Variants in PLPPR2 observed in about 807,000 individuals in gnomAD.
The protein encoded by PLPPR2 is phospholipid phosphatase-related protein type 2.
A neutral mutation model predicts 40.3 loss-of-function variants in PLPPR2; 11 were observed. That is an observed-to-expected ratio of 0.27 (90% CI 0.17 to 0.45). PLPPR2 has a LOEUF of 0.45. Ranked by LOEUF, PLPPR2 falls within the 20% of genes least tolerant of loss-of-function variation. PLPPR2 has a pLI of 1.00. For missense variants in PLPPR2, 497 were observed against 640.7 expected, an observed-to-expected ratio of 0.78 and a Z score of 2.42; for synonymous variants, 260 against 290.8, an observed-to-expected ratio of 0.89 and a Z score of 1.08.
At chr19:11,357,801 G>A in intron 3 of PLPPR2, 62 bp downstream of exon 3, 3 of 1,395,320 alleles carry the variant, frequency 2.2e-6, no homozygotes, top group Non-Finnish European at 3.0e-6. Flanking sequence ...TCCAACCTCA[G>A]TCTCCTTATC....
At position 11,357,731 on chromosome 19, in the gene PLPPR2, T is replaced by C; in HGVS notation, c.58T>C (p.Phe20Leu). The change falls in exon 3 of 10, where the codon TTC (phenylalanine) becomes CTC (leucine). Residue 20 changes from phenylalanine to leucine, a missense_variant. Physicochemically the swap from Phe to Leu is conservative, Grantham distance 22. Transcript: ENST00000688289. The stretch of plus-strand genomic sequence containing the variant: ...TTTCTCCATCATCCCCTGCTTTGTC[T>C]TCGTGGAGGTGAGGACCCCCGTACC... ...RSFSIIPCFV[F>L]VESVLLGIVI... 6.2e-7 allele frequency: 1 copy of C among 1,604,964 alleles called. No individual in the cohort carries two copies. The highest frequency in any genetic ancestry group is 8.5e-7 in the Non-Finnish European group (1 of 1,175,298).
rs377424289 is a variant in PLPPR2, at chr19:11,362,509, G to A, written c.664-4G>A. On this transcript the variant is annotated splice_polypyrimidine_tract_variant and splice_region_variant and intron_variant, in intron 6 of 9. Coordinates refer to ENST00000688289, the MANE Select transcript of PLPPR2 (RefSeq NM_001393892.1). The surrounding 1 kb of genome is among the most constrained non-coding windows in gnomAD (Gnocchi z 5.3). ...ATCCCCCTGACCAGTCCGGCTCCCC[G>A]CAGATGTACGTGACTCTCGTGTTCC... 24 of 1,609,018 alleles carry A rather than the reference G, an allele frequency of 1.5e-5. No individual in the cohort carries two copies. The highest frequency in any genetic ancestry group is 4.0e-5 in the African/African-American group (3 of 74,934).
chr19:11,356,495 G>A (rs754920321), intron 1 of PLPPR2, among the ~76,000 whole-genome samples: 4 of 152,032 alleles, frequency 2.6e-5, no homozygotes, highest in Non-Finnish European at 5.9e-5. Context: ...TCTCTGACAG[G>A]CTATGAGCCC....
Position 11,361,346 on chromosome 19 carries a change from C to A in PLPPR2, c.521C>A (p.Pro174His). The A allele has an allele frequency of 6.2e-7, 1 of 1,613,474 alleles. No individual in the cohort carries two copies. The change falls in exon 6 of 10, where the codon CCT becomes CAT. Residue 174 changes from proline (P) to histidine (H), a missense_variant. Physicochemically the swap from Pro to His is moderately conservative, Grantham distance 77 (BLOSUM62 -2). Transcript: ENST00000688289. This position sits in a 1 kb window ranked among gnomAD's most constrained non-coding sequence, Gnocchi z 6.3. ...TACACGGCCCTGGGCTGCCTGCCAC[C>A]TTCTCCGGATCGGCCAGGTCCCGAC... ...PNYTALGCLP[P>H]SPDRPGPDRF...
rs1262366771 is a variant in PLPPR2, at chr19:11,361,322, A to G, written c.497A>G (p.Tyr166Cys). Residue 166 changes from tyrosine (Y) to cysteine (C), a missense_variant, in exon 6 of 10, where the codon TAC (tyrosine) becomes TGC (cysteine). Tyr to Cys is a radical substitution (Grantham distance 194, BLOSUM62 -2). Transcript: ENST00000688289. The surrounding 1 kb of genome is among the most constrained non-coding windows in gnomAD (Gnocchi z 6.3). The stretch of plus-strand genomic sequence containing the variant: ...TTCCTGTCCGTGTGCCGCCCCAACT[A>G]CACGGCCCTGGGCTGCCTGCCACCT... ...PHFLSVCRPN[Y>C]TALGCLPPSP... The G allele has an allele frequency of 6.2e-7, 1 of 1,613,654 alleles. No homozygotes were observed. Among genetic ancestry groups the G allele is most frequent in the South Asian group, 1.1e-5 (1 of 91,084 alleles).
In PLPPR2 at chr19:11,364,461, C is replaced by G; in HGVS notation, c.1130C>G (p.Thr377Arg). 6.6e-7 allele frequency: 1 copy of G among 1,508,456 alleles called. No individual in the cohort carries two copies. Among genetic ancestry groups the G allele is most frequent in the Non-Finnish European group, 8.8e-7 (1 of 1,135,138 alleles). The allele number at this position is 1,508,456 out of a possible 1,614,324, so 93.4% of individuals were successfully genotyped here. A position where few individuals can be genotyped will look rare whatever the true frequency, so the allele number is the denominator to read the frequency against. Residue 377 changes from threonine to arginine, a missense_variant, in exon 10 of 10, where the codon ACG becomes AGG. By Grantham distance (71) the Thr-to-Arg change is moderately conservative (BLOSUM62 -1). Transcript: ENST00000688289. This position sits in a 1 kb window ranked among gnomAD's most constrained non-coding sequence, Gnocchi z 5.8. ...CGTCCTCGATTGAGGTCTGAGCCGACGCCCTTGCCCCTGCCCCTACCCCTG... is the reference window on the plus strand; with the variant it reads ...CGTCCTCGATTGAGGTCTGAGCCGAGGCCCTTGCCCCTGCCCCTACCCCTG... ...VPRPRLRSEPTPLPLPLPLPA... is the reference protein window; with the variant it reads ...VPRPRLRSEPRPLPLPLPLPA...
At position 11,364,781 on chromosome 19, in the gene PLPPR2, T is replaced by C; in HGVS notation, c.*91T>C. 7.0e-7 allele frequency: 1 copy of C among 1,437,794 alleles called. No homozygotes were observed. 89.1% of individuals were successfully genotyped at this position (1,437,794 alleles called of 1,614,324 possible). A position where few individuals can be genotyped will look rare whatever the true frequency, so the allele number is the denominator to read the frequency against. ...GTGCCACGTGAGTGCCAAAGTCCCC[T>C]GCCCCCCAAGCCAGCCAGACCCAGA... On this transcript the variant is annotated 3_prime_UTR_variant, in exon 10 of 10. Transcript: ENST00000688289. The surrounding 1 kb of genome is among the most constrained non-coding windows in gnomAD (Gnocchi z 5.8).
rs1968102178 is a variant in PLPPR2, at chr19:11,363,286, A to C, written c.841-427A>C. Among the ~76,000 whole-genome samples the C allele has an allele frequency of 2.0e-5, 3 of 151,328 alleles. No individual in the cohort carries two copies. The highest frequency in any genetic ancestry group is 4.4e-5 in the Non-Finnish European group (3 of 67,832). Reference sequence around the variant, plus strand: ...AAAGAGCGAAAGTCTGTCTCAAAAAAAAAAAAAAAAAAAATTAGCTGGGAA... The same window carrying C: ...AAAGAGCGAAAGTCTGTCTCAAAAACAAAAAAAAAAAAAATTAGCTGGGAA... On this transcript the variant is annotated intron_variant, in intron 7 of 9. Transcript: ENST00000688289. The surrounding 1 kb of genome is among the most constrained non-coding windows in gnomAD (Gnocchi z 4.8).
rs1254236563 is a variant in PLPPR2, at chr19:11,362,344, C to T, written c.664-169C>T. ...ACCCCCCCCCCTTTGCCTTTTTGGTCACGCTCCCTGGAAAAGCCCACTGGG... is the reference window on the plus strand; with the variant it reads ...ACCCCCCCCCCTTTGCCTTTTTGGTTACGCTCCCTGGAAAAGCCCACTGGG... On this transcript the variant is annotated intron_variant, in intron 6 of 9. Transcript: ENST00000688289. The surrounding 1 kb of genome is among the most constrained non-coding windows in gnomAD (Gnocchi z 5.3). 4 of 443,006 alleles carry T rather than the reference C, an allele frequency of 9.0e-6. No homozygotes were observed. Among genetic ancestry groups the T allele is most frequent in the South Asian group, 2.1e-5 (1 of 46,856 alleles). The allele number at this position is 443,006 out of a possible 1,614,324, so 27.4% of individuals were successfully genotyped here.
At chr19:11,355,832 G>A (rs1359223559) in intron 1 of PLPPR2, among the ~76,000 whole-genome samples, 1 of 152,176 alleles carries the variant, frequency 6.6e-6, no homozygotes, top group Admixed American at 6.5e-5. Flanking sequence ...TTGTGTAACT[G>A]TCATCGTGTG....
In PLPPR2 at chr19:11,364,103, C is replaced by G; in HGVS notation, c.964-58C>G. On this transcript the variant is annotated intron_variant, in intron 8 of 9. Coordinates refer to ENST00000688289, the MANE Select transcript of PLPPR2 (RefSeq NM_001393892.1). The surrounding 1 kb of genome is among the most constrained non-coding windows in gnomAD (Gnocchi z 5.8). ...TCTTCACCTGATGAGCTCCTTGTGG[C>G]TGTGGCCGGTAGGGCCCAGGGGGCC... is the stretch of plus-strand genomic sequence containing the variant. The G allele has an allele frequency of 6.4e-7, 1 of 1,555,736 alleles. No homozygotes were observed. The highest frequency in any genetic ancestry group is 8.7e-7 in the Non-Finnish European group (1 of 1,147,954).
intron 3 of PLPPR2, among the ~76,000 whole-genome samples, chr19:11,358,665 C>T (rs9797610): frequency 7.0e-6 from 1 of 142,894 alleles, no homozygotes; most frequent in Admixed American, 7.1e-5. Flanking sequence ...TCCTCTCTCT[C>T]TGTTTTTTTT....
In PLPPR2 at chr19:11,363,971, C is replaced by T. The variant is rs1458959216; in HGVS notation, c.963+136C>T. 4.6e-5 allele frequency: 61 copies of T among 1,338,742 alleles called. No individual in the cohort carries two copies. The highest frequency in any genetic ancestry group is 4.4e-4 in the South Asian group (31 of 70,598). The allele number at this position is 1,338,742 out of a possible 1,614,324, so 82.9% of individuals were successfully genotyped here. On this transcript the variant is annotated intron_variant, in intron 8 of 9. Transcript: ENST00000688289. This position sits in a 1 kb window ranked among gnomAD's most constrained non-coding sequence, Gnocchi z 4.8. ...TGGAGGGATCACCCATCTCTGTGGACATAGGTCCTGGGCGGACAGCCCCAA... is the reference window on the plus strand; with the variant it reads ...TGGAGGGATCACCCATCTCTGTGGATATAGGTCCTGGGCGGACAGCCCCAA...
At position 11,364,338 on chromosome 19, in the gene PLPPR2, G is replaced by C; in HGVS notation, c.1016-9G>C. On this transcript the variant is annotated splice_polypyrimidine_tract_variant and intron_variant, in intron 9 of 9. Transcript: ENST00000688289. The surrounding 1 kb of genome is among the most constrained non-coding windows in gnomAD (Gnocchi z 5.8). The stretch of plus-strand genomic sequence containing the variant: ...TCTGATCCCCTGATATCTGGCTTCT[G>C]ACCACCAGAGTCGCAGAACTGCGCC... 6.6e-7 allele frequency: 1 copy of C among 1,518,194 alleles called. No homozygotes were observed. Among genetic ancestry groups the C allele is most frequent in the Non-Finnish European group, 8.8e-7 (1 of 1,133,682 alleles). The allele number at this position is 1,518,194 out of a possible 1,614,324, so 94.0% of individuals were successfully genotyped here. A position where few individuals can be genotyped will look rare whatever the true frequency, so the allele number is the denominator to read the frequency against.
Position 11,361,911 on chromosome 19 carries a change from C to T in PLPPR2, c.663+423C>T, listed in dbSNP as rs930557414. 6.6e-6 allele frequency among the ~76,000 whole-genome samples: 1 copy of T among 152,000 alleles called. No homozygotes were observed. Among genetic ancestry groups the T allele is most frequent in the Admixed American group, 6.6e-5 (1 of 15,266 alleles). On this transcript the variant is annotated intron_variant, in intron 6 of 9. Coordinates refer to ENST00000688289, the MANE Select transcript of PLPPR2 (RefSeq NM_001393892.1). This position sits in a 1 kb window ranked among gnomAD's most constrained non-coding sequence, Gnocchi z 6.3. ...GAGTCCTTGCCCCTCTTCTGGAGCC[C>T]TTGCCCCTCTCCTGGGGGCCTTGTT...
chr19:11,358,089 C>T (rs1389992584), intron 3 of PLPPR2, among the ~76,000 whole-genome samples: 1 of 151,990 alleles, frequency 6.6e-6, no homozygotes, highest in Non-Finnish European at 1.5e-5. Context: ...GGGTCTCACT[C>T]TGTCACCCAG....
At chr19:11,355,964 T>C (rs1391711100) in intron 1 of PLPPR2, among the ~76,000 whole-genome samples, 1 of 151,784 alleles carries the variant, frequency 6.6e-6, no homozygotes, top group Non-Finnish European at 1.5e-5. Flanking sequence ...TGTGTCTGGC[T>C]ATGCTGTGAC....
At position 11,362,440 on chromosome 19, in the gene PLPPR2, C is replaced by A; in HGVS notation, c.664-73C>A. 6.4e-7 allele frequency: 1 copy of A among 1,573,316 alleles called. No homozygotes were observed. The highest frequency in any genetic ancestry group is 8.7e-7 in the Non-Finnish European group (1 of 1,155,706). On this transcript the variant is annotated intron_variant, in intron 6 of 9. Transcript: ENST00000688289. The surrounding 1 kb of genome is among the most constrained non-coding windows in gnomAD (Gnocchi z 5.3). The stretch of plus-strand genomic sequence containing the variant: ...CCAACGCTCTGGCCATGCGCTCTAG[C>A]CCAGAAAGGAGCGTCCACTTGGGTT...
intron 5 of PLPPR2, 150 bp downstream of exon 5, chr19:11,360,106 C>T (rs894273307): frequency 1.8e-5 from 21 of 1,147,772 alleles, no homozygotes; most frequent in Middle Eastern, 3.0e-4. Flanking sequence ...GCCAAGTGGG[C>T]GATCACCTGA....
Sources: allele counts gnomAD v4.1 joint callset (sites outside exome capture counted in the v4.1 genomes callset), GRCh38; gene constraint gnomAD v4.1.1; non-coding constraint Gnocchi (gnomAD v3.1); transcripts MANE v1.5; gene names NCBI Gene and HGNC (gene_info 2026-07-23, HGNC 2026-07-21).